MAP2: variants seen among roughly 807,000 people sequenced by gnomAD.
MAP2 encodes the protein microtubule-associated protein 2.
In MAP2, 14 loss-of-function variants were observed where a neutral mutation model predicts 137.6. That is an observed-to-expected ratio of 0.10 (90% CI 0.07 to 0.16). MAP2 has a LOEUF of 0.16. MAP2 is among the 10% of genes least tolerant of loss of function. The pLI, the probability that MAP2 is intolerant of heterozygous loss-of-function variation, is 1.00. For missense variants in MAP2, 2,088 were observed against 2,191.5 expected, an observed-to-expected ratio of 0.95 and a Z score of 0.94; for synonymous variants, 786 against 782.3, an observed-to-expected ratio of 1.00 and a Z score of -0.08.
At chr2:209,717,206 C>T (rs1191789469) in intron 13 of MAP2, among the ~76,000 whole-genome samples, 6 of 152,206 alleles carry the variant, frequency 3.9e-5, no homozygotes, top group South Asian at 2.1e-4. Context: ...CTTAACAGGG[C>T]GCATGACTGA....
chr2:209,661,842 C>A (rs1355859487), intron 5 of MAP2, among the ~76,000 whole-genome samples: 2 of 152,174 alleles, frequency 1.3e-5, no homozygotes, highest in East Asian at 3.9e-4. Context: ...AGAATTGTGT[C>A]TTTTATTCTT....
At chr2:209,554,636 G>A (rs996288532) in intron 2 of MAP2, among the ~76,000 whole-genome samples, 2 of 151,902 alleles carry the variant, frequency 1.3e-5, no homozygotes, top group African/African-American at 4.8e-5. Flanking sequence ...AAAATACAAA[G>A]CTACTCAGGT....
chr2:209,531,786 A>G (rs1283945458), intron 2 of MAP2, among the ~76,000 whole-genome samples: 1 of 152,234 alleles, frequency 6.6e-6, no homozygotes, highest in East Asian at 1.9e-4. Context: ...TTATTCAGGT[A>G]CAAATGGTAT....
At chr2:209,611,971 G>A (rs1230110339) in intron 3 of MAP2, among the ~76,000 whole-genome samples, 4 of 152,040 alleles carry the variant, frequency 2.6e-5, no homozygotes, top group Admixed American at 6.6e-5. Flanking sequence ...ATAAATAAGT[G>A]GATAAATAAA....
At chr2:209,629,538 A>G (rs1381697157) in intron 4 of MAP2, among the ~76,000 whole-genome samples, 1 of 152,188 alleles carries the variant, frequency 6.6e-6, no homozygotes. Flanking sequence ...ACTGATTACT[A>G]CTTCATCAGC....
At chr2:209,543,246 A>G (rs924684315) in intron 2 of MAP2, among the ~76,000 whole-genome samples, 6 of 152,244 alleles carry the variant, frequency 3.9e-5, no homozygotes, top group African/African-American at 1.4e-4. Context: ...ACATTTAGCC[A>G]TTAAGTTCGT....
chr2:209,709,897 CT>C lies in MAP2; in HGVS notation c.4733-15del, dbSNP rs762470327. The C allele has an allele frequency of 1.3e-6, 2 of 1,596,258 alleles. No homozygotes were observed. The highest frequency in any genetic ancestry group is 1.7e-6 in the Non-Finnish European group (2 of 1,168,350). On this transcript the variant is annotated splice_polypyrimidine_tract_variant and intron_variant, in intron 12 of 15. Transcript: ENST00000682079. The stretch of plus-strand genomic sequence containing the variant: ...TGTCTGACTCTGGTTTGGTTTTGGT[CT>C]TGCTTGTTAATACAGGGTCAGAGCC...
intron 4 of MAP2, among the ~76,000 whole-genome samples, chr2:209,650,750 G>A (rs2094735705): frequency 1.3e-5 from 2 of 152,134 alleles, no homozygotes; most frequent in Non-Finnish European, 2.9e-5. Context: ...TATGCAAGGG[G>A]TAGATGGGTA....
At chr2:209,637,301 G>A (rs2093651356) in intron 4 of MAP2, among the ~76,000 whole-genome samples, 1 of 151,980 alleles carries the variant, frequency 6.6e-6, no homozygotes, top group Non-Finnish European at 1.5e-5. Context: ...AAATTAGCTG[G>A]GCGTGGTGGC....
At chr2:209,498,664 G>A (rs920601738) in intron 1 of MAP2, among the ~76,000 whole-genome samples, 56 of 152,232 alleles carry the variant, frequency 3.7e-4, no homozygotes, top group African/African-American at 1.3e-3. Context: ...GCACCCGCAG[G>A]CTTAACAACA....
At chr2:209,540,356 G>A (rs1008705269) in intron 2 of MAP2, among the ~76,000 whole-genome samples, 11 of 151,206 alleles carry the variant, frequency 7.3e-5, no homozygotes, top group African/African-American at 1.5e-4. Context: ...AGCACTGGCC[G>A]GGCGCGGTCG....
intron 1 of MAP2, among the ~76,000 whole-genome samples, chr2:209,482,905 T>C (rs2057911152): frequency 6.6e-6 from 1 of 152,214 alleles, no homozygotes; most frequent in South Asian, 2.1e-4. Flanking sequence ...TCATTGTCTG[T>C]TTTTATGAAA....
intron 1 of MAP2, among the ~76,000 whole-genome samples, chr2:209,439,390 A>G (rs2149377587): frequency 6.6e-6 from 1 of 151,738 alleles, no homozygotes; most frequent in African/African-American, 2.4e-5. Context: ...TAATTTACAA[A>G]GGACAACTTT....
chr2:209,456,591 A>G (rs550329293), intron 1 of MAP2, among the ~76,000 whole-genome samples: 1 of 152,316 alleles, frequency 6.6e-6, no homozygotes, highest in African/African-American at 2.4e-5. Flanking sequence ...AGGGAGGAAG[A>G]AAAGAGCCAA....
intron 1 of MAP2, among the ~76,000 whole-genome samples, chr2:209,429,768 A>T (rs1261355837): frequency 6.6e-6 from 1 of 152,138 alleles, no homozygotes; most frequent in Non-Finnish European, 1.5e-5. Context: ...TTAAGTAGTA[A>T]TGGATTTTAG....
intron 7 of MAP2, among the ~76,000 whole-genome samples, chr2:209,689,055 A>T (rs74411652): frequency 0.018 from 2,689 of 152,244 alleles, 73 homozygotes; most frequent in African/African-American, 0.062. Context: ...TGAGAAAATG[A>T]AAAGCTAAAA....
chr2:209,540,501 C>CTTTACCAG (rs2066768503), intron 2 of MAP2, among the ~76,000 whole-genome samples: 1 of 142,974 alleles, frequency 7.0e-6, no homozygotes, highest in African/African-American at 3.0e-5. Flanking sequence ...CGTGGTGGCA[C>CTTTACCAG]GCGTCTGTAA....
At chr2:209,679,202 C>T (rs1008578612) in intron 6 of MAP2, among the ~76,000 whole-genome samples, 4 of 151,932 alleles carry the variant, frequency 2.6e-5, no homozygotes, top group Non-Finnish European at 5.9e-5. Flanking sequence ...CATCTAAGGG[C>T]GCTGAGAGAG....
intron 2 of MAP2, among the ~76,000 whole-genome samples, chr2:209,523,419 T>G (rs1314955133): frequency 2.0e-5 from 3 of 152,174 alleles, no homozygotes; most frequent in African/African-American, 7.2e-5. Flanking sequence ...GTTGGATTGC[T>G]GTTACTATTC....
Sources: gnomAD v4.1 joint callset for allele counts (sites outside exome capture counted in the v4.1 genomes callset) on GRCh38, gnomAD v4.1.1 for gene constraint, MANE v1.5 for transcripts, NCBI Gene and HGNC (gene_info 2026-07-23, HGNC 2026-07-21) for gene names.